NYAP2: variants seen among roughly 807,000 people sequenced by gnomAD.
NYAP2 encodes the protein neuronal tyrosine-phosphorylated phosphoinositide-3-kinase adapter 2.
Under a neutral mutation model 50.4 loss-of-function variants are expected in NYAP2, and 23 were observed. The ratio of observed to expected loss-of-function variants is 0.46; its 90% CI spans 0.33 to 0.65. NYAP2 has a LOEUF of 0.65. Ranked by LOEUF, NYAP2 falls within the 30% of genes least tolerant of loss-of-function variation. The probability of loss-of-function intolerance (pLI) is 0.02; values close to 1 mark genes in which losing one functional copy is unlikely to be tolerated. For missense variants in NYAP2, 885 were observed against 861.0 expected, an observed-to-expected ratio of 1.03 and a Z score of -0.35; for synonymous variants, 394 against 365.2, an observed-to-expected ratio of 1.08 and a Z score of -0.90.
At chr2:225,552,182 A>G (rs189321999) in intron 4 of NYAP2, among the ~76,000 whole-genome samples, 1 of 152,266 alleles carries the variant, frequency 6.6e-6, no homozygotes, top group Admixed American at 6.5e-5. Flanking sequence ...GCATTGTCCA[A>G]AATTCCCTCA....
chr2:225,667,934 G>A, the NYAP2 span, among the ~76,000 whole-genome samples: 5 of 152,070 alleles, frequency 3.3e-5, no homozygotes, highest in Non-Finnish European at 5.9e-5. Context: ...AAGACCGAGT[G>A]TATTCTTCTA....
intron 4 of NYAP2, among the ~76,000 whole-genome samples, chr2:225,518,807 T>A (rs1690989799): frequency 6.6e-6 from 1 of 151,344 alleles, no homozygotes; most frequent in Non-Finnish European, 1.5e-5. Context: ...TTATTGGAGG[T>A]CAGGAGTTCG....
At chr2:225,463,384 G>A (rs1171502781) in intron 3 of NYAP2, among the ~76,000 whole-genome samples, 1 of 152,216 alleles carries the variant, frequency 6.6e-6, no homozygotes, top group East Asian at 1.9e-4. Context: ...TCAATCATGT[G>A]TTTTCTCGTA....
intron 4 of NYAP2, among the ~76,000 whole-genome samples, chr2:225,563,221 G>T (rs545309077): frequency 1.3e-5 from 2 of 152,046 alleles, no homozygotes; most frequent in Non-Finnish European, 2.9e-5. Context: ...AGAGATGGTG[G>T]CAAGAAACAG....
chr2:225,479,587 A>G (rs1690171128), intron 3 of NYAP2, among the ~76,000 whole-genome samples: 1 of 152,142 alleles, frequency 6.6e-6, no homozygotes, highest in Non-Finnish European at 1.5e-5. Context: ...ATAACTTCTA[A>G]TAGCATTTTT....
intron 5 of NYAP2, among the ~76,000 whole-genome samples, chr2:225,589,437 A>C (rs1272367384): frequency 1.3e-5 from 2 of 149,630 alleles, no homozygotes; most frequent in Non-Finnish European, 3.0e-5. Context: ...TGGGAGGCCA[A>C]GGTGGGAGGA....
Position 225,446,238 on chromosome 2 carries a change from C to A in NYAP2, c.221+37137C>A, listed in dbSNP as rs1218406573. Among the ~76,000 whole-genome samples, 314 of 104,552 alleles carry A rather than the reference C, an allele frequency of 3.0e-3. 3 individuals carry two copies. The highest frequency in any genetic ancestry group is 0.012 in the African/African-American group (283 of 24,280). The allele number at this position is 104,552 out of a possible 152,430, so 68.6% of individuals were successfully genotyped here. A position where few individuals can be genotyped will look rare whatever the true frequency, so the allele number is the denominator to read the frequency against. Reference sequence around the variant, plus strand: ...TCTGTCTCTCTCTCTCTCTCTCTCTCTCTCTCTCTATATATATATATATAT... The same window carrying A: ...TCTGTCTCTCTCTCTCTCTCTCTCTATCTCTCTCTATATATATATATATAT... On this transcript the variant is annotated intron_variant, in intron 3 of 6. Coordinates refer to ENST00000636099, the Ensembl canonical transcript of NYAP2.
At chr2:225,689,152 A>G in the NYAP2 span, among the ~76,000 whole-genome samples, 1 of 152,210 alleles carries the variant, frequency 6.6e-6, no homozygotes, top group Admixed American at 6.5e-5. Context: ...AGTTGAAACC[A>G]GCCTTCATCC....
At chr2:225,558,978 T>C (rs529099071) in intron 4 of NYAP2, among the ~76,000 whole-genome samples, 2 of 152,266 alleles carry the variant, frequency 1.3e-5, no homozygotes, top group South Asian at 4.1e-4. Context: ...TTTGGGTAAC[T>C]GGAGTTTTAG....
chr2:225,671,905 C>CT, the NYAP2 span, among the ~76,000 whole-genome samples: 50 of 151,178 alleles, frequency 3.3e-4, no homozygotes, highest in African/African-American at 9.5e-4. Flanking sequence ...GAAAGGAATT[C>CT]TTTTTTTTTC....
the NYAP2 span, among the ~76,000 whole-genome samples, chr2:225,659,086 A>G: frequency 8.3e-4 from 127 of 152,338 alleles, no homozygotes; most frequent in African/African-American, 2.9e-3. Flanking sequence ...TATAATAAGC[A>G]AGAAGATGTT....
At chr2:225,652,107 G>A (rs1333626930) in exon 7 of NYAP2, 1 of 152,274 alleles carries the variant, frequency 6.6e-6, no homozygotes, top group African/African-American at 2.4e-5. Flanking sequence ...GAATATTGAT[G>A]TCCTTATAAA....
chr2:225,511,832 T>C (rs1309261134), intron 3 of NYAP2, among the ~76,000 whole-genome samples: 1 of 152,188 alleles, frequency 6.6e-6, no homozygotes, highest in Non-Finnish European at 1.5e-5. Flanking sequence ...TTCCATCATA[T>C]TATGAAGGCA....
intron 4 of NYAP2, among the ~76,000 whole-genome samples, chr2:225,566,187 T>C (rs1574681644): frequency 6.6e-6 from 1 of 152,184 alleles, no homozygotes; most frequent in African/African-American, 2.4e-5. Flanking sequence ...ATAGTGGCTA[T>C]TATTATGCAT....
At chr2:225,558,785 G>T (rs1041154360) in intron 4 of NYAP2, among the ~76,000 whole-genome samples, 1 of 152,068 alleles carries the variant, frequency 6.6e-6, no homozygotes, top group African/African-American at 2.4e-5. Flanking sequence ...CTTCCTCTAC[G>T]ATGAGAGGCA....
the NYAP2 span, among the ~76,000 whole-genome samples, chr2:225,688,104 T>C: frequency 6.6e-6 from 1 of 152,178 alleles, no homozygotes; most frequent in Admixed American, 6.5e-5. Flanking sequence ...GGAGCATTGA[T>C]TTGTGTCTCA....
At chr2:225,444,224 A>G (rs1689516320) in intron 3 of NYAP2, among the ~76,000 whole-genome samples, 2 of 150,836 alleles carry the variant, frequency 1.3e-5, no homozygotes, top group Admixed American at 6.7e-5. Context: ...TATAGCATTG[A>G]CATTTCCTTT....
chr2:225,654,242 A>AGTGAC (rs1693788004), downstream of NYAP2, among the ~76,000 whole-genome samples: 3 of 152,168 alleles, frequency 2.0e-5, no homozygotes, highest in African/African-American at 7.2e-5. Context: ...AACACCTAGC[A>AGTGAC]CTATCAAACA....
chr2:225,583,088 C>T, intron 5 of NYAP2, 53 bp downstream of exon 5: 1 of 1,564,290 alleles, frequency 6.4e-7, no homozygotes, highest in Non-Finnish European at 8.7e-7. Flanking sequence ...GGCTTACAAC[C>T]AGGGTGAAGC....
Sources: allele counts gnomAD v4.1 joint callset (sites outside exome capture counted in the v4.1 genomes callset), GRCh38; gene constraint gnomAD v4.1.1; transcripts MANE v1.5; gene names NCBI Gene and HGNC (gene_info 2026-07-23, HGNC 2026-07-21).